ZFHX3: variants seen among roughly 807,000 people sequenced by gnomAD.
The protein encoded by ZFHX3 is zinc finger homeobox 3.
Under a neutral mutation model 279.1 loss-of-function variants are expected in ZFHX3, and 42 were observed. The ratio of observed to expected loss-of-function variants is 0.15; its 90% CI spans 0.12 to 0.19. The LOEUF (loss-of-function observed/expected upper bound fraction) is 0.19. Among genes scored for constraint, ZFHX3 ranks in the 10% least tolerant of loss-of-function variants. The pLI, the probability that ZFHX3 is intolerant of heterozygous loss-of-function variation, is 1.00. For missense variants in ZFHX3, 4,981 were observed against 4,754.0 expected (o/e 1.05, Z -1.40); for synonymous variants, 2,293 against 1,957.8 (o/e 1.17, Z -4.52).
At chr16:73,053,199 AG>A (rs1461717022) in intron 1 of ZFHX3, among the ~76,000 whole-genome samples, 1 of 150,794 alleles carries the variant, frequency 6.6e-6, no homozygotes, top group Non-Finnish European at 1.5e-5. Context: ...TCTTTTTTGG[AG>A]GGGGGTTCCA....
At chr16:73,644,467 C>A (rs1449021301) in intron 2 of ZFHX3, among the ~76,000 whole-genome samples, 3 of 151,938 alleles carry the variant, frequency 2.0e-5, no homozygotes, top group Non-Finnish European at 4.4e-5. Flanking sequence ...CGAGACCAGC[C>A]ATGGTCAACA....
intron 7 of ZFHX3, among the ~76,000 whole-genome samples, chr16:72,805,662 G>C (rs547905137): frequency 6.6e-6 from 1 of 152,144 alleles, no homozygotes; most frequent in Non-Finnish European, 1.5e-5. Context: ...CTGTTCCAGC[G>C]AGAGGCCAGT....
At chr16:73,592,367 G>T (rs1272042789) in intron 2 of ZFHX3, among the ~76,000 whole-genome samples, 4 of 151,974 alleles carry the variant, frequency 2.6e-5, no homozygotes, top group Non-Finnish European at 4.4e-5. Flanking sequence ...AGAGAAGGGG[G>T]TGGGATGTGG....
intron 2 of ZFHX3, among the ~76,000 whole-genome samples, chr16:73,529,818 C>T (rs773986093): frequency 3.3e-5 from 5 of 152,092 alleles, no homozygotes; most frequent in East Asian, 1.9e-4. Flanking sequence ...CCTGTTTCTC[C>T]GTGGCTTCAT....
chr16:73,512,451 GA>G lies in ZFHX3; in HGVS notation c.-1546-56194del, dbSNP rs11455796. On this transcript the variant is annotated intron_variant, in intron 2 of 17. Transcript: ENST00000641206. ...AACAGAGCGAGACTCCGTCTCAAAA[GA>G]AAAAAAAAAAAAAAGAATGGATCTA... 1.2e-3 allele frequency among the ~76,000 whole-genome samples: 122 copies of G among 104,926 alleles called. No homozygotes were observed. In the East Asian group the frequency reaches 0.014, roughly 12 times the overall value. 68.8% of individuals were successfully genotyped at this position (104,926 alleles called of 152,430 possible). A position where few individuals can be genotyped will look rare whatever the true frequency, so the allele number is the denominator to read the frequency against.
chr16:73,043,405 G>A (rs1450123180), intron 1 of ZFHX3, among the ~76,000 whole-genome samples: 1 of 152,136 alleles, frequency 6.6e-6, no homozygotes, highest in Non-Finnish European at 1.5e-5. Flanking sequence ...TTCAAAATGG[G>A]GCTGAATTTG....
chr16:72,818,959 A>G (rs1306711651), intron 5 of ZFHX3, among the ~76,000 whole-genome samples: 1 of 152,228 alleles, frequency 6.6e-6, no homozygotes, highest in Non-Finnish European at 1.5e-5. Flanking sequence ...AGAGTTACTC[A>G]GGGAAAGGCT....
chr16:73,818,361 T>C (rs950273644), intron 1 of ZFHX3, among the ~76,000 whole-genome samples: 1 of 152,190 alleles, frequency 6.6e-6, no homozygotes, highest in African/African-American at 2.4e-5. Context: ...TTTCATCAGA[T>C]TGGCTGACAT....
At chr16:73,044,176 G>A (rs1044171879) in intron 1 of ZFHX3, among the ~76,000 whole-genome samples, 1 of 152,072 alleles carries the variant, frequency 6.6e-6, no homozygotes, top group Non-Finnish European at 1.5e-5. Context: ...AGAGGACGGT[G>A]GTTCTGAGCT....
In ZFHX3 at chr16:72,787,725, GCCGCCGCCGCCAC is replaced by G. The variant is rs2035481861; in HGVS notation, c.10538_10550del (p.Ser3513ThrfsTer28). ...CGCCGCCGCCGCCGCCGCCACCGCC[GCCGCCGCCGCCAC>G]TGCCACCGCCGCCGCCGCCGGTGGG... is the stretch of plus-strand genomic sequence containing the variant. On this transcript the variant is annotated frameshift_variant, in exon 10 of 10. Transcript: ENST00000268489. LOFTEE classifies it high-confidence loss of function. 14 of 1,379,344 alleles carry G rather than the reference GCCGCCGCCGCCAC, an allele frequency of 1.0e-5. 1 individual carries two copies. Among genetic ancestry groups the G allele is most frequent in the South Asian group, 4.5e-5 (2 of 44,368 alleles). 85.4% of individuals were successfully genotyped at this position (1,379,344 alleles called of 1,614,324 possible).
chr16:73,612,864 T>C (rs1366676303), intron 2 of ZFHX3, among the ~76,000 whole-genome samples: 3 of 151,808 alleles, frequency 2.0e-5, no homozygotes, highest in African/African-American at 7.3e-5. Context: ...TAGCTTTTGA[T>C]ATAATAGAAA....
At position 72,788,625 on chromosome 16, in the gene ZFHX3, C is replaced by G. The variant is rs1487185416; in HGVS notation, c.9651G>C (p.Gln3217His). The change falls in exon 10 of 10, where the codon CAG becomes CAC. Residue 3217 changes from glutamine to histidine, a missense_variant. Transcript: ENST00000268489. ...VQQPPPPPAA[Q>H]PPPTPQLPLQ... ...GTGGGAGCTGTGGTGTGGGTGGCGG[C>G]TGGGCTGCTGGCGGCGGGGGAGGCT... The G allele has an allele frequency of 3.7e-6, 6 of 1,613,190 alleles. No individual in the cohort carries two copies. The Admixed American group carries it at 5.0e-5, about 13-fold the overall frequency.
At chr16:73,261,242 A>G (rs1391593877) in intron 4 of ZFHX3, among the ~76,000 whole-genome samples, 1 of 152,228 alleles carries the variant, frequency 6.6e-6, no homozygotes, top group African/African-American at 2.4e-5. Flanking sequence ...TAAAAAAAAT[A>G]CAACTTTGTG....
At chr16:73,887,714 T>G (rs2030393298) in intron 1 of ZFHX3, among the ~76,000 whole-genome samples, 1 of 152,122 alleles carries the variant, frequency 6.6e-6, no homozygotes, top group Non-Finnish European at 1.5e-5. Flanking sequence ...TAATAATAAT[T>G]TTAAAGTTTT....
chr16:73,556,959 G>A (rs2020293779), intron 2 of ZFHX3, among the ~76,000 whole-genome samples: 1 of 151,886 alleles, frequency 6.6e-6, no homozygotes, highest in Admixed American at 6.6e-5. Flanking sequence ...GCTGGGCATG[G>A]TGGTGGGCGC....
At chr16:73,310,910 C>T (rs529515141) in intron 4 of ZFHX3, among the ~76,000 whole-genome samples, 58 of 152,048 alleles carry the variant, frequency 3.8e-4, no homozygotes, top group African/African-American at 1.4e-3. Context: ...AATTTTGTAA[C>T]AACAAATGCA....
At chr16:73,245,692 A>T (rs1258340321) in intron 5 of ZFHX3, among the ~76,000 whole-genome samples, 1 of 152,154 alleles carries the variant, frequency 6.6e-6, no homozygotes, top group Admixed American at 6.5e-5. Context: ...GCTGGCCCCT[A>T]CCTGGGCCCT....
intron 8 of ZFHX3, among the ~76,000 whole-genome samples, chr16:73,074,461 G>T (rs187842624): frequency 6.6e-6 from 1 of 152,172 alleles, no homozygotes; most frequent in Non-Finnish European, 1.5e-5. Flanking sequence ...CGGATGACCC[G>T]CTTGCTTCCC....
At chr16:73,195,375 G>A (rs952537056) in intron 5 of ZFHX3, among the ~76,000 whole-genome samples, 3 of 150,428 alleles carry the variant, frequency 2.0e-5, no homozygotes, top group Non-Finnish European at 4.4e-5. Context: ...GTACAGAGAA[G>A]ATACAGAAAT....
Sources: gnomAD v4.1 joint callset for allele counts (sites outside exome capture counted in the v4.1 genomes callset) on GRCh38, gnomAD v4.1.1 for gene constraint, MANE v1.5 for transcripts, NCBI Gene and HGNC (gene_info 2026-07-23, HGNC 2026-07-21) for gene names.